The following ZMAT4 variants were observed in gnomAD, a reference collection of about 807,000 sequenced individuals.
The protein encoded by ZMAT4 is zinc finger matrin-type 4.
ZMAT4 carries 17 observed loss-of-function variants against 28.7 expected under a neutral mutation model. The observed-to-expected ratio is 0.59, with a 90% confidence interval of 0.41 to 0.89. ZMAT4 has a LOEUF of 0.89. Ranked by LOEUF, ZMAT4 falls within the 40% of genes least tolerant of loss-of-function variation. The pLI is 0.00. For synonymous variants in ZMAT4, 117 were observed against 109.2 expected, an observed-to-expected ratio of 1.07 and a Z score of -0.44; for missense variants, 240 against 283.8, an observed-to-expected ratio of 0.85 and a Z score of 1.11.
chr8:40,564,013 G>T (rs1803835055), intron 6 of ZMAT4, among the ~76,000 whole-genome samples: 1 of 152,066 alleles, frequency 6.6e-6, no homozygotes, highest in South Asian at 2.1e-4. Flanking sequence ...GGCTCCCTCG[G>T]ATTGTCAGAG....
chr8:40,804,498 T>C (rs1004578914), intron 2 of ZMAT4, among the ~76,000 whole-genome samples: 10 of 152,192 alleles, frequency 6.6e-5, no homozygotes, highest in Admixed American at 3.9e-4. Context: ...ATAATCTTAA[T>C]TGTTGGTTGA....
intron 5 of ZMAT4, among the ~76,000 whole-genome samples, chr8:40,639,625 AACACAC>A (rs60100252): frequency 2.5e-4 from 38 of 149,730 alleles, no homozygotes; most frequent in African/African-American, 5.6e-4. Flanking sequence ...AGAAGGCAAG[AACACAC>A]ACACACACAC....
intron 5 of ZMAT4, among the ~76,000 whole-genome samples, chr8:40,633,107 GA>G (rs59090685): frequency 0.56 from 85,454 of 151,926 alleles, 25,220 homozygotes; most frequent in East Asian, 0.69. Flanking sequence ...ATTCATTACA[GA>G]AGAAATGCGA....
At chr8:40,847,309 T>C in intron 1 of ZMAT4, among the ~76,000 whole-genome samples, 1 of 151,914 alleles carries the variant, frequency 6.6e-6, no homozygotes, top group East Asian at 1.9e-4. Flanking sequence ...CGTAGAGTCA[T>C]ATTTGCCGTT....
At chr8:40,627,237 G>C (rs1167101076) in intron 5 of ZMAT4, among the ~76,000 whole-genome samples, 1 of 152,204 alleles carries the variant, frequency 6.6e-6, no homozygotes, top group African/African-American at 2.4e-5. Flanking sequence ...TAGAGAGGCT[G>C]AGATTTTCAA....
chr8:40,570,437 G>C (rs1372787947), intron 6 of ZMAT4, among the ~76,000 whole-genome samples: 1 of 152,174 alleles, frequency 6.6e-6, no homozygotes, highest in African/African-American at 2.4e-5. Context: ...AGTGGCTCAT[G>C]CCTATAATTC....
At chr8:40,620,927 T>C (rs117815955) in intron 5 of ZMAT4, among the ~76,000 whole-genome samples, 3 of 152,370 alleles carry the variant, frequency 2.0e-5, no homozygotes, top group Non-Finnish European at 4.4e-5. Flanking sequence ...TATCCCCTAC[T>C]GCTTATTCAT....
At chr8:40,547,340 A>C (rs1230847166) in intron 6 of ZMAT4, among the ~76,000 whole-genome samples, 1 of 152,174 alleles carries the variant, frequency 6.6e-6, no homozygotes, top group African/African-American at 2.4e-5. Flanking sequence ...TGACTCCCTG[A>C]TCTAAAATCC....
chr8:40,742,217 C>T (rs553154191), intron 3 of ZMAT4, among the ~76,000 whole-genome samples: 104 of 151,956 alleles, frequency 6.8e-4, no homozygotes, highest in African/African-American at 2.3e-3. Context: ...CACCGCACTC[C>T]AGCCTGGGTG....
chr8:40,578,448 CT>C (rs1804340530), intron 6 of ZMAT4, among the ~76,000 whole-genome samples: 1 of 151,950 alleles, frequency 6.6e-6, no homozygotes, highest in African/African-American at 2.4e-5. Context: ...GCAGAGAATT[CT>C]TAAATAGCAC....
At chr8:40,887,468 G>C (rs114872035) in intron 1 of ZMAT4, among the ~76,000 whole-genome samples, 2 of 147,186 alleles carry the variant, frequency 1.4e-5, no homozygotes, top group Admixed American at 6.8e-5. Flanking sequence ...CAGCCTGAGC[G>C]ACATAGCGAG....
chr8:40,823,405 C>A (rs1410285603), intron 2 of ZMAT4, among the ~76,000 whole-genome samples: 1 of 152,030 alleles, frequency 6.6e-6, no homozygotes, highest in Non-Finnish European at 1.5e-5. Context: ...GCACCTATAA[C>A]CTCAGCACTT....
intron 5 of ZMAT4, among the ~76,000 whole-genome samples, chr8:40,599,428 C>T (rs188493161): frequency 5.3e-5 from 8 of 152,052 alleles, no homozygotes; most frequent in Non-Finnish European, 1.0e-4. Context: ...TAGACATAAA[C>T]GTTTTTCCAT....
chr8:40,570,753 A>ACAAAAAG (rs1804072133), intron 6 of ZMAT4, among the ~76,000 whole-genome samples: 2 of 152,118 alleles, frequency 1.3e-5, no homozygotes, highest in Non-Finnish European at 2.9e-5. Flanking sequence ...CAAACAAAAA[A>ACAAAAAG]ACCTTGTGAA....
chr8:40,540,712 C>T (rs894431505), intron 6 of ZMAT4, among the ~76,000 whole-genome samples: 56 of 152,196 alleles, frequency 3.7e-4, no homozygotes, highest in African/African-American at 1.1e-3. Flanking sequence ...GAAGTGAGGG[C>T]GGTCTTGCTG....
intron 5 of ZMAT4, among the ~76,000 whole-genome samples, chr8:40,665,927 A>G (rs1808395709): frequency 6.6e-6 from 1 of 152,192 alleles, no homozygotes; most frequent in Non-Finnish European, 1.5e-5. Context: ...TCTTGGAAAC[A>G]TTATTAAATT....
intron 6 of ZMAT4, among the ~76,000 whole-genome samples, chr8:40,567,908 G>A (rs1803973374): frequency 6.6e-6 from 1 of 152,046 alleles, no homozygotes; most frequent in Non-Finnish European, 1.5e-5. Context: ...AGTGAATATT[G>A]AGATTAGCCA....
In ZMAT4 at chr8:40,537,513, C is replaced by A. The variant is rs538178356; in HGVS notation, c.675-5275G>T. On this transcript the variant is annotated intron_variant, in intron 6 of 6. Coordinates refer to ENST00000297737, the MANE Select transcript of ZMAT4 (RefSeq NM_024645.3). ...TATACACTAGCAAAATTGATAAGAA[C>A]GATTTGTAATTGACTTACCAAAACA... Among the ~76,000 whole-genome samples the A allele has an allele frequency of 5.3e-5, 8 of 152,184 alleles. No individual in the cohort carries two copies. In the East Asian group the frequency reaches 1.5e-3, roughly 29 times the overall value.
intron 3 of ZMAT4, among the ~76,000 whole-genome samples, chr8:40,706,273 C>T (rs1011469236): frequency 1.7e-4 from 26 of 152,112 alleles, no homozygotes; most frequent in African/African-American, 6.3e-4. Context: ...ACAGGATGGT[C>T]TCAATCTCCT....
Sources: gnomAD v4.1 joint callset for allele counts (sites outside exome capture counted in the v4.1 genomes callset) on GRCh38, gnomAD v4.1.1 for gene constraint, MANE v1.5 for transcripts, NCBI Gene and HGNC (gene_info 2026-07-23, HGNC 2026-07-21) for gene names.